Variants in TBCD observed in about 807,000 individuals in gnomAD.
TBCD encodes the protein tubulin folding cofactor D.
In TBCD, 105 loss-of-function variants were observed where a neutral mutation model predicts 169.3. The observed-to-expected ratio is 0.62, with a 90% CI of 0.53 to 0.73. The LOEUF (loss-of-function observed/expected upper bound fraction) is 0.73, where lower values mean the gene tolerates loss of function less well. TBCD is among the 30% of genes least tolerant of loss of function. The probability of loss-of-function intolerance (pLI) is 0.00; values close to 1 mark genes in which losing one functional copy is unlikely to be tolerated. For missense variants in TBCD, 1,444 were observed against 1,600.1 expected (o/e 0.90, Z 1.66); for synonymous variants, 700 against 643.9 (o/e 1.09, Z -1.32).
intron 13 of TBCD, among the ~76,000 whole-genome samples, chr17:82,828,871 C>T (rs943305715): frequency 4.0e-5 from 6 of 150,178 alleles, no homozygotes; most frequent in African/African-American, 1.5e-4. Flanking sequence ...TGTACACATG[C>T]ACACTAACAC....
Position 82,862,063 on chromosome 17 carries a change from C to T in TBCD, c.1319-8161C>T, listed in dbSNP as rs190683707. 5.2e-4 allele frequency among the ~76,000 whole-genome samples: 79 copies of T among 152,198 alleles called. No individual in the cohort carries two copies. In the East Asian group the frequency reaches 0.015, roughly 29 times the overall value. On this transcript the variant is annotated intron_variant, in intron 13 of 38. Transcript: ENST00000355528. ...TCAGCCTCCTGAGTAGCTGGGACTACAGGCGCCCGCCACCTTGCCCGGCTA... is the reference window on the plus strand; with the variant it reads ...TCAGCCTCCTGAGTAGCTGGGACTATAGGCGCCCGCCACCTTGCCCGGCTA...
chr17:82,852,184 G>A lies in TBCD; in HGVS notation c.1319-18040G>A, dbSNP rs1048978666. Among the ~76,000 whole-genome samples, 3 of 147,262 alleles carry A rather than the reference G, an allele frequency of 2.0e-5. No individual in the cohort carries two copies. The Admixed American group carries it at 2.1e-4, about 10-fold the overall frequency. On this transcript the variant is annotated intron_variant, in intron 13 of 38. Coordinates refer to ENST00000355528, the MANE Select transcript of TBCD (RefSeq NM_005993.5). Reference sequence around the variant, plus strand: ...CCCCCCTCCTAGACACCACAGATGGGTTCTCTGTGTCTACCCATTCTGGAC... The same window carrying A: ...CCCCCCTCCTAGACACCACAGATGGATTCTCTGTGTCTACCCATTCTGGAC...
intron 25 of TBCD, 39 bp downstream of exon 25, chr17:82,921,616 G>T (rs76483328): frequency 1.9e-6 from 3 of 1,591,658 alleles, no homozygotes; most frequent in Non-Finnish European, 1.7e-6. Flanking sequence ...GCGCTGTGGC[G>T]GTGTTAGTGT....
intron 2 of TBCD, among the ~76,000 whole-genome samples, chr17:82,763,232 C>G (rs539928285): frequency 6.6e-6 from 1 of 152,130 alleles, no homozygotes; most frequent in Non-Finnish European, 1.5e-5. Context: ...TGTATACTTA[C>G]AGAATTGTTA....
In TBCD at chr17:82,874,930, C is replaced by G. The variant is rs1417571906; in HGVS notation, c.1475+4550C>G. Among the ~76,000 whole-genome samples the G allele has an allele frequency of 6.6e-6, 1 of 152,112 alleles. No homozygotes were observed. Among genetic ancestry groups the G allele is most frequent in the Non-Finnish European group, 1.5e-5 (1 of 68,014 alleles). Reference sequence around the variant, plus strand: ...TCGGTGGGTCCTGTAACAGTGGGTGCTTGGGATCAGAGCATCAGAGTGGAA... The same window carrying G: ...TCGGTGGGTCCTGTAACAGTGGGTGGTTGGGATCAGAGCATCAGAGTGGAA... On this transcript the variant is annotated intron_variant, in intron 14 of 38. Coordinates refer to ENST00000355528, the MANE Select transcript of TBCD (RefSeq NM_005993.5). This position sits in a 1 kb window ranked among gnomAD's most constrained non-coding sequence, Gnocchi z 5.0.
chr17:82,771,512 A>G (rs956683076), intron 5 of TBCD, among the ~76,000 whole-genome samples: 50 of 151,580 alleles, frequency 3.3e-4, no homozygotes, highest in Admixed American at 5.9e-4. Context: ...TCTGCCTTTG[A>G]GGCTCAAGCA....
chr17:82,929,335 G>A lies in TBCD; in HGVS notation c.2853-27G>A, dbSNP rs745390472. 47 of 1,609,942 alleles carry A rather than the reference G, an allele frequency of 2.9e-5. 1 individual carries two copies. The South Asian group carries it at 3.1e-4, about 11-fold the overall frequency. On this transcript the variant is annotated intron_variant, in intron 31 of 38. Transcript: ENST00000355528. ...GCCATGGCGAGATCATTGGCAGCCC[G>A]GCCTTGTCTCACTCACTCTCTTGCA...
rs1388100327 is a variant in TBCD, at chr17:82,938,123, A to C, written c.3356A>C (p.His1119Pro). 1 of 1,612,106 alleles carries C rather than the reference A, an allele frequency of 6.2e-7. No individual in the cohort carries two copies. Residue 1119 changes from histidine (H) to proline (P), a missense_variant, in exon 36 of 39, where the codon CAC becomes CCC. Transcript: ENST00000355528. ...CTGCAGCTGTGTCTGCTCCTCTGCC[A>C]CCGTTTCCCGCTGGTGAGTGCCTGC... ...ALLQLCLLLC[H>P]RFPLIRKTTA...
chr17:82,769,287 C>G (rs1360472852), intron 5 of TBCD, among the ~76,000 whole-genome samples: 1 of 152,200 alleles, frequency 6.6e-6, no homozygotes, highest in African/African-American at 2.4e-5. Flanking sequence ...TCCATCAAAG[C>G]CTGCAAGGGA....
chr17:82,775,987 C>G (rs113801049), intron 6 of TBCD, among the ~76,000 whole-genome samples: 1 of 152,038 alleles, frequency 6.6e-6, no homozygotes, highest in Non-Finnish European at 1.5e-5. Flanking sequence ...GAGGCTGAGG[C>G]GGGTGGATCA....
intron 1 of TBCD, among the ~76,000 whole-genome samples, chr17:82,754,147 C>G (rs978630440): frequency 1.6e-4 from 24 of 152,082 alleles, no homozygotes; most frequent in African/African-American, 5.8e-4. Flanking sequence ...AGTGAGCCAC[C>G]ACGCCCGGCT....
intron 6 of TBCD, among the ~76,000 whole-genome samples, chr17:82,776,469 T>C (rs560664542): frequency 3.3e-5 from 5 of 152,344 alleles, no homozygotes; most frequent in Non-Finnish European, 5.9e-5. Flanking sequence ...GTAATTCTTA[T>C]ACACAGTGCG....
intron 15 of TBCD, among the ~76,000 whole-genome samples, chr17:82,887,168 T>TGTGTGTGCGTGCGCGCGCGC: frequency 7.9e-6 from 1 of 126,102 alleles, no homozygotes; most frequent in Admixed American, 7.5e-5. Context: ...TGTGTGTGTG[T>TGTGTGTGCGTGCGCGCGCGC]GCGCGCGCGC....
intron 14 of TBCD, among the ~76,000 whole-genome samples, chr17:82,882,399 C>T (rs967669892): frequency 3.3e-5 from 5 of 152,322 alleles, no homozygotes; most frequent in Non-Finnish European, 5.9e-5. Context: ...GGGCCTGGAG[C>T]GGGCACCTGT....
rs556202359 is a variant in TBCD at position 82,835,995 on chromosome 17, T to A, written c.1318+21061T>A. 1.3e-5 allele frequency among the ~76,000 whole-genome samples: 2 copies of A among 152,234 alleles called. No homozygotes were observed. The highest frequency in any genetic ancestry group is 2.9e-5 in the Non-Finnish European group (2 of 68,012). On this transcript the variant is annotated intron_variant, in intron 13 of 38. Coordinates refer to ENST00000355528, the MANE Select transcript of TBCD (RefSeq NM_005993.5). This position sits in a 1 kb window ranked among gnomAD's most constrained non-coding sequence, Gnocchi z 4.5. ...TCAGACCCCGCGCTCAGCACCCGTC[T>A]CCCACCGTGGGCTGCCACAGAAGCT...
intron 38 of TBCD, 182 bp downstream of exon 38, chr17:82,941,665 C>T (rs2063289428): frequency 6.7e-6 from 4 of 593,948 alleles, no homozygotes; most frequent in Middle Eastern, 4.4e-4. Flanking sequence ...CTGCCCACAC[C>T]TGTGGGCCCC....
Position 82,927,965 on chromosome 17 carries a change from G to T in TBCD, c.2670G>T (p.Gln890His), listed in dbSNP as rs758167016. The T allele has an allele frequency of 1.2e-6, 2 of 1,612,322 alleles. No homozygotes were observed. The highest frequency in any genetic ancestry group is 1.3e-5 in the African/African-American group (1 of 74,930). ...MDLTLLLARSQPELIEAHTCE... is the reference protein window; with the variant it reads ...MDLTLLLARSHPELIEAHTCE... ...TGACACTTCTGCTGGCTCGGAGCCA[G>T]CCTGAGCTGATCGAGGCCCATACGT... The change falls in exon 30 of 39, where the codon CAG (glutamine) becomes CAT (histidine). Residue 890 changes from glutamine to histidine, a missense_variant. Transcript: ENST00000355528.
chr17:82,898,043 G>A (rs530678118), intron 17 of TBCD, among the ~76,000 whole-genome samples: 200 of 148,466 alleles, frequency 1.3e-3, no homozygotes, highest in African/African-American at 4.4e-3. Context: ...ACACGGCATG[G>A]CTCTGGGTTT....
chr17:82,756,511 C>T (rs538436500), intron 2 of TBCD, among the ~76,000 whole-genome samples: 6 of 151,954 alleles, frequency 3.9e-5, no homozygotes, highest in South Asian at 2.1e-4. Flanking sequence ...GACGGAGTCT[C>T]GCTCTGTCTC....
Sources: allele counts gnomAD v4.1 joint callset (sites outside exome capture counted in the v4.1 genomes callset), GRCh38; gene constraint gnomAD v4.1.1; non-coding constraint Gnocchi (gnomAD v3.1); transcripts MANE v1.5; gene names NCBI Gene and HGNC (gene_info 2026-07-23, HGNC 2026-07-21).